MMP8: variants seen among roughly 807,000 people sequenced by gnomAD.
The protein encoded by MMP8 is matrix metallopeptidase 8.
MMP8 carries 67 observed loss-of-function variants against 51.2 expected under a neutral mutation model. That is an observed-to-expected ratio of 1.31 (90% CI 1.08 to 1.60). The LOEUF (loss-of-function observed/expected upper bound fraction) is 1.60. Among genes scored for constraint, MMP8 ranks in the 40% most tolerant of loss-of-function variants. The pLI, the probability that MMP8 is intolerant of heterozygous loss-of-function variation, is 0.00. For missense variants in MMP8, 654 were observed against 558.1 expected, an observed-to-expected ratio of 1.17 and a Z score of -1.73; for synonymous variants, 225 against 191.0, an observed-to-expected ratio of 1.18 and a Z score of -1.47.
In MMP8 at chr11:102,713,731, T is replaced by C. The variant is rs532030861; in HGVS notation, c.1294+23A>G. On this transcript the variant is annotated intron_variant, in intron 9 of 9. Coordinates refer to ENST00000236826, the MANE Select transcript of MMP8 (RefSeq NM_002424.3). The stretch of plus-strand genomic sequence containing the variant: ...AATAAACAAACAAACAACACATTTA[T>C]TAGGTTTTTTTTTCCTACTTACGTT... 8.7e-6 allele frequency: 13 copies of C among 1,487,926 alleles called. No homozygotes were observed. The Admixed American group carries it at 1.8e-4, about 20-fold the overall frequency. The allele number at this position is 1,487,926 out of a possible 1,614,324, so 92.2% of individuals were successfully genotyped here.
At chr11:102,713,914 A>G in intron 8 of MMP8, 57 bp from the exon 9 acceptor site, 4 of 1,310,330 alleles carry the variant, frequency 3.1e-6, no homozygotes, top group South Asian at 2.7e-5. Context: ...AACGAAAAAA[A>G]TTTTTTTTAT....
chr11:102,715,947 C>T (rs1861279765), intron 6 of MMP8, among the ~76,000 whole-genome samples: 1 of 152,062 alleles, frequency 6.6e-6, no homozygotes, highest in Admixed American at 6.6e-5. Context: ...TATGGGGTTC[C>T]CAAGCAGCTG....
intron 5 of MMP8, among the ~76,000 whole-genome samples, chr11:102,717,376 C>T (rs1366020560): frequency 6.6e-6 from 1 of 152,166 alleles, no homozygotes; most frequent in Non-Finnish European, 1.5e-5. Context: ...TTTTTTCTCT[C>T]CATACTCCAC....
chr11:102,722,860 C>T (rs1320909556), intron 1 of MMP8, 187 bp from the exon 2 acceptor site: 3 of 1,041,174 alleles, frequency 2.9e-6, no homozygotes, highest in Non-Finnish European at 2.7e-6. Flanking sequence ...TTCCTCCACT[C>T]AGTGCTCCAG....
intron 1 of MMP8, chr11:102,723,127 G>A (rs1387475978): frequency 3.7e-6 from 4 of 1,083,304 alleles, no homozygotes; most frequent in East Asian, 5.9e-5. Flanking sequence ...TCCAAGTGAT[G>A]ATTCAGATTT....
rs537675222 is a variant in MMP8, at chr11:102,722,644, T to C, written c.132A>G (p.Pro44=). The C allele has an allele frequency of 3.7e-6, 6 of 1,613,782 alleles. No individual in the cohort carries two copies. The East Asian group carries it at 8.9e-5, about 24-fold the overall frequency. Residue 44 remains proline, a synonymous_variant, in exon 2 of 10, where the codon CCA becomes CCG. Transcript: ENST00000236826. The stretch of plus-strand genomic sequence containing the variant: ...TCCTTGTAGACTGATACTGGTTGCT[T>C]GGTAATTGGTAGAACTTTTCCAGGT... ...QDYLEKFYQL[P]SNQYQSTRKN... is the part of the protein sequence containing the mutation.
chr11:102,722,384 C>A (rs772513031), intron 2 of MMP8, 45 bp downstream of exon 2: 1 of 1,598,350 alleles, frequency 6.3e-7, no homozygotes, highest in Admixed American at 1.7e-5. Context: ...AGAGCCCAGT[C>A]CATACTGGAT....
chr11:102,721,614 C>T lies in MMP8; in HGVS notation c.496G>A (p.Asp166Asn). The change falls in exon 3 of 10, where the codon GAT becomes AAT. Residue 166 changes from aspartate (D) to asparagine (N), a missense_variant and splice_region_variant. Coordinates refer to ENST00000236826, the MANE Select transcript of MMP8 (RefSeq NM_002424.3). ...ADINIAFYQR[D>N]HGDNSPFDGP... ...CTGAGCATGACTGCTTTGTACCTAC[C>T]TCTTTGGTAAAAAGCAATGTTGATA... 6.2e-7 allele frequency: 1 copy of T among 1,613,712 alleles called. No individual in the cohort carries two copies. Among genetic ancestry groups the T allele is most frequent in the Non-Finnish European group, 8.5e-7 (1 of 1,179,792 alleles).
At chr11:102,723,986 G>T in intron 1 of MMP8, 1 of 243,822 alleles carries the variant, frequency 4.1e-6, no homozygotes, top group Non-Finnish European at 8.9e-6. Context: ...GTTCTTGTGA[G>T]GATTAAATGA....
At chr11:102,721,856 A>T in intron 2 of MMP8, 94 bp from the exon 3 acceptor site, 1 of 1,420,892 alleles carries the variant, frequency 7.0e-7, no homozygotes, top group Non-Finnish European at 9.6e-7. Context: ...GAGTTGCATC[A>T]TGGTGTGCTA....
rs1480650571 is a variant in MMP8 at position 102,712,737 on chromosome 11, A to T, written c.*611T>A. 6.6e-6 allele frequency: 1 copy of T among 152,222 alleles called. No homozygotes were observed. Among genetic ancestry groups the T allele is most frequent in the African/African-American group, 2.4e-5 (1 of 41,408 alleles). The allele number at this position is 152,222 out of a possible 1,614,324, so 9.4% of individuals were successfully genotyped here. On this transcript the variant is annotated 3_prime_UTR_variant, in exon 10 of 10. Transcript: ENST00000236826. ...GCCCACCCTAATTCAGTGTGATCTC[A>T]CCTTAACTTAACTAATTACATCTGC...
Position 102,722,576 on chromosome 11 carries a change from T to A in MMP8, c.200A>T (p.Gln67Leu), listed in dbSNP as rs747546864. 1.9e-6 allele frequency: 3 copies of A among 1,613,954 alleles called. No homozygotes were observed. The highest frequency in any genetic ancestry group is 8.5e-7 in the Non-Finnish European group (1 of 1,179,848). Residue 67 changes from glutamine (Q) to leucine (L), a missense_variant, in exon 2 of 10, where the codon CAG becomes CTG. Coordinates refer to ENST00000236826, the MANE Select transcript of MMP8 (RefSeq NM_002424.3). ...CGTCACATTCAACCCAAAAAATCGC[T>A]GCATTTCTTTAAGCTTTTCAACGAT... ...NVIVEKLKEMQRFFGLNVTGK... is the reference protein window; with the variant it reads ...NVIVEKLKEMLRFFGLNVTGK...
In MMP8 at chr11:102,718,416, T is replaced by G. The variant is rs965434265; in HGVS notation, c.782A>C (p.Tyr261Ser). 59 of 1,609,972 alleles carry G rather than the reference T, an allele frequency of 3.7e-5. No homozygotes were observed. Among genetic ancestry groups the G allele is most frequent in the Non-Finnish European group, 4.8e-5 (56 of 1,178,018 alleles). Residue 261 changes from tyrosine (Y) to serine (S), a missense_variant and splice_region_variant, in exon 5 of 10, where the codon TAT becomes TCT. Tyr to Ser is a moderately radical substitution (Grantham distance 144, BLOSUM62 -2). Transcript: ENST00000236826. Reference sequence around the variant, plus strand: ...TGACTCTCTTGAGAAGACCTTACCATAGATGGCCTGAATGCCATCGATGTC... The same window carrying G: ...TGACTCTCTTGAGAAGACCTTACCAGAGATGGCCTGAATGCCATCGATGTC... ...QDDIDGIQAI[Y>S]GLSSNPIQPT...
rs201146217 is a variant in MMP8 at position 102,724,767 on chromosome 11, G to C, written c.89C>G (p.Thr30Arg). Residue 30 changes from threonine to arginine, a missense_variant, in exon 1 of 10, where the codon ACA (threonine) becomes AGA (arginine). Coordinates refer to ENST00000236826, the MANE Select transcript of MMP8 (RefSeq NM_002424.3). ...TAGTTCATTTACCTGAACAGTTTTT[G>C]TATTTTTCTCTTTAGAAGATACAGG... ...AFPVSSKEKN[T>R]KTVQDYLEKF... The C allele has an allele frequency of 1.9e-6, 3 of 1,596,268 alleles. No homozygotes were observed. Among genetic ancestry groups the C allele is most frequent in the South Asian group, 1.1e-5 (1 of 87,400 alleles).
In MMP8 at chr11:102,721,439, T is replaced by C; in HGVS notation, c.584A>G (p.His195Arg). ...QPGQGIGGDA[H>R]FDAEETWTNT... ...GGTCCATGTTTCTTCGGCATCAAAA[T>C]GAGCATCTCCTCCAATACCTTGGCC... Residue 195 changes from histidine (H) to arginine (R), a missense_variant, in exon 4 of 10, where the codon CAT (histidine) becomes CGT (arginine). Physicochemically the swap from His to Arg is conservative, Grantham distance 29. Coordinates refer to ENST00000236826, the MANE Select transcript of MMP8 (RefSeq NM_002424.3). 1 of 1,613,824 alleles carries C rather than the reference T, an allele frequency of 6.2e-7. No individual in the cohort carries two copies.
At chr11:102,717,778 C>T (rs1384159596) in intron 5 of MMP8, among the ~76,000 whole-genome samples, 1 of 152,148 alleles carries the variant, frequency 6.6e-6, no homozygotes, top group South Asian at 2.1e-4. Flanking sequence ...AGCAGGATTG[C>T]TGTAGGAAAA....
rs1491575068 is a variant in MMP8 at position 102,714,806 on chromosome 11, A to ACG, written c.1037-98_1037-97insCG. The stretch of plus-strand genomic sequence containing the variant: ...TATATATATATATATATATATATAT[A>ACG]CCACTTCTTGGTCTTGCACATAGAT... On this transcript the variant is annotated intron_variant, in intron 7 of 9. Transcript: ENST00000236826. 5.6e-4 allele frequency: 119 copies of ACG among 211,734 alleles called. 2 individuals carry two copies. The highest frequency in any genetic ancestry group is 3.7e-3 in the African/African-American group (107 of 29,092). 13.1% of individuals were successfully genotyped at this position (211,734 alleles called of 1,614,324 possible). A position where few individuals can be genotyped will look rare whatever the true frequency, so the allele number is the denominator to read the frequency against.
chr11:102,713,136 T>C lies in MMP8; in HGVS notation c.*212A>G. On this transcript the variant is annotated 3_prime_UTR_variant, in exon 10 of 10. Transcript: ENST00000236826. ...TCCTTCTCTTTGATGGAATCACTAA[T>C]GTAAGATGGAATGTGTAAGAACTGA... 2.3e-6 allele frequency: 1 copy of C among 431,974 alleles called. No individual in the cohort carries two copies. Among genetic ancestry groups the C allele is most frequent in the Non-Finnish European group, 4.1e-6 (1 of 241,940 alleles). 26.8% of individuals were successfully genotyped at this position (431,974 alleles called of 1,614,324 possible).
In MMP8 at chr11:102,714,601, A is replaced by G; in HGVS notation, c.1145T>C (p.Phe382Ser). The G allele has an allele frequency of 1.3e-6, 2 of 1,519,840 alleles. No homozygotes were observed. Among genetic ancestry groups the G allele is most frequent in the Non-Finnish European group, 1.8e-6 (2 of 1,136,258 alleles). The allele number at this position is 1,519,840 out of a possible 1,614,324, so 94.1% of individuals were successfully genotyped here. ...AAAGAAGTATGTTTTACTTCTGTAGAAAACAGCTGCGTCAATTGCTTGGAC... is the reference window on the plus strand; with the variant it reads ...AAAGAAGTATGTTTTACTTCTGTAGGAAACAGCTGCGTCAATTGCTTGGAC... ...SSVQAIDAAVFYRSKTYFFVN... is the reference protein window; with the variant it reads ...SSVQAIDAAVSYRSKTYFFVN... The change falls in exon 8 of 10, where the codon TTC (phenylalanine) becomes TCC (serine). Residue 382 changes from phenylalanine to serine, a missense_variant. By Grantham distance (155) the Phe-to-Ser change is radical. Coordinates refer to ENST00000236826, the MANE Select transcript of MMP8 (RefSeq NM_002424.3).
Sources: gnomAD v4.1 joint callset for allele counts (sites outside exome capture counted in the v4.1 genomes callset) on GRCh38, gnomAD v4.1.1 for gene constraint, MANE v1.5 for transcripts, NCBI Gene and HGNC (gene_info 2026-07-23, HGNC 2026-07-21) for gene names.